Variants in SIPA1L3 observed in about 807,000 individuals in gnomAD.
The protein encoded by SIPA1L3 is signal-induced proliferation-associated 1-like protein 3.
A neutral mutation model predicts 150.1 loss-of-function variants in SIPA1L3; 59 were observed. That is an observed-to-expected ratio of 0.39 (90% confidence interval 0.32 to 0.49). SIPA1L3 has a LOEUF of 0.49. Ranked by LOEUF, SIPA1L3 falls within the 20% of genes least tolerant of loss-of-function variation. The probability of loss-of-function intolerance (pLI) is 0.86; values close to 1 mark genes in which losing one functional copy is unlikely to be tolerated. For missense variants in SIPA1L3, 2,211 were observed against 2,489.5 expected (o/e 0.89, Z 2.38); for synonymous variants, 1,070 against 1,077.6 (o/e 0.99, Z 0.14).
chr19:38,129,982 G>A (rs1262544888), intron 9 of SIPA1L3, among the ~76,000 whole-genome samples: 11 of 152,072 alleles, frequency 7.2e-5, no homozygotes, highest in African/African-American at 2.7e-4. Flanking sequence ...CAGGAGAATC[G>A]CTTGAACCCA....
intron 1 of SIPA1L3, among the ~76,000 whole-genome samples, chr19:37,985,952 C>T (rs922607921): frequency 1.3e-5 from 2 of 152,242 alleles, no homozygotes; most frequent in African/African-American, 2.4e-5. Context: ...GACCCAGCTG[C>T]GCCGTCATGC....
intron 2 of SIPA1L3, among the ~76,000 whole-genome samples, chr19:38,049,090 A>G (rs1313643727): frequency 2.1e-5 from 3 of 144,398 alleles, no homozygotes; most frequent in African/African-American, 7.9e-5. Context: ...TCAAAAAAAA[A>G]GCGGGGGGTG....
At position 38,142,624 on chromosome 19, in the gene SIPA1L3, C is replaced by A; in HGVS notation, c.3447C>A (p.Asp1149Glu). The change falls in exon 12 of 22, where the codon GAC (aspartate) becomes GAA (glutamate). Residue 1149 changes from aspartate to glutamate, a missense_variant. By Grantham distance (45) the Asp-to-Glu change is conservative. Around this residue, in one of 5 missense-constraint regions of SIPA1L3, gnomAD observed 806 missense variants for 870.1 expected, o/e 0.93. Transcript: ENST00000222345. ...ACACAGTATCACCAGCAGGGGCCGACAGAGTCCCTCCCTACCGACAGCCTT... is the reference window on the plus strand; with the variant it reads ...ACACAGTATCACCAGCAGGGGCCGAAAGAGTCCCTCCCTACCGACAGCCTT... Reference protein sequence around the residue: ...TPYTVSPAGADRVPPYRQPSG... With the variant: ...TPYTVSPAGAERVPPYRQPSG... 6.2e-7 allele frequency: 1 copy of A among 1,614,064 alleles called. No homozygotes were observed. The highest frequency in any genetic ancestry group is 1.3e-5 in the African/African-American group (1 of 75,040).
chr19:38,200,281 G>A (rs1973056182), intron 19 of SIPA1L3: 1 of 152,208 alleles, frequency 6.6e-6, no homozygotes, highest in Non-Finnish European at 1.5e-5. Context: ...TCGGGAGGCT[G>A]AAGCAGGAGG....
intron 2 of SIPA1L3, among the ~76,000 whole-genome samples, chr19:38,031,596 G>A (rs1968655678): frequency 1.3e-5 from 2 of 152,184 alleles, no homozygotes; most frequent in South Asian, 4.1e-4. Flanking sequence ...CATTGTGGGG[G>A]TCTGTGACAT....
intron 11 of SIPA1L3, 49 bp from the exon 12 acceptor site, chr19:38,142,524 G>T (rs749887235): frequency 1.9e-6 from 3 of 1,557,886 alleles, no homozygotes; most frequent in South Asian, 1.2e-5. Flanking sequence ...CAGGGCAGGG[G>T]TACCCTCCTA....
intron 1 of SIPA1L3, among the ~76,000 whole-genome samples, chr19:37,912,228 ACT>A (rs1489533681): frequency 1.5e-5 from 2 of 136,874 alleles, no homozygotes; most frequent in East Asian, 2.5e-4. Flanking sequence ...CAAGAGTGAC[ACT>A]CTGTCTCAAA....
At chr19:38,075,519 G>A (rs563435704) in intron 2 of SIPA1L3, among the ~76,000 whole-genome samples, 1 of 152,032 alleles carries the variant, frequency 6.6e-6, no homozygotes, top group Non-Finnish European at 1.5e-5. Flanking sequence ...GGTGGTTCAC[G>A]CCTGTAATCC....
intron 20 of SIPA1L3, chr19:38,203,837 G>C (rs1420997146): frequency 2.5e-6 from 1 of 394,342 alleles, no homozygotes; most frequent in Non-Finnish European, 4.6e-6. Context: ...CCTCCCTGAA[G>C]TCACATGCAC....
chr19:38,159,877 T>C (rs1458103334), intron 13 of SIPA1L3, among the ~76,000 whole-genome samples: 1 of 152,236 alleles, frequency 6.6e-6, no homozygotes, highest in African/African-American at 2.4e-5. Flanking sequence ...AATACCATAG[T>C]GATCAAAAGT....
intron 2 of SIPA1L3, among the ~76,000 whole-genome samples, chr19:38,070,237 T>A (rs1018570818): frequency 6.6e-6 from 1 of 151,868 alleles, no homozygotes; most frequent in Admixed American, 6.6e-5. Flanking sequence ...TGAGACAGGG[T>A]CTTGCTCTGT....
intron 1 of SIPA1L3, among the ~76,000 whole-genome samples, chr19:37,938,942 A>G (rs1453232220): frequency 2.6e-5 from 4 of 151,858 alleles, no homozygotes; most frequent in Non-Finnish European, 4.4e-5. Flanking sequence ...TCTTTTTCCT[A>G]TTGAATTGTA....
chr19:37,962,344 A>C (rs967191585), intron 1 of SIPA1L3, among the ~76,000 whole-genome samples: 1 of 151,420 alleles, frequency 6.6e-6, no homozygotes, highest in Non-Finnish European at 1.5e-5. Context: ...GGGTTTCCCC[A>C]TGTTGGCCAG....
intron 15 of SIPA1L3, among the ~76,000 whole-genome samples, chr19:38,169,921 A>G (rs1473035477): frequency 1.3e-5 from 2 of 151,330 alleles, no homozygotes; most frequent in African/African-American, 4.9e-5. Flanking sequence ...GGGTCAGGGT[A>G]AGATGAGGGG....
intron 1 of SIPA1L3, among the ~76,000 whole-genome samples, chr19:37,938,035 A>G (rs1373614533): frequency 6.6e-6 from 1 of 152,126 alleles, no homozygotes; most frequent in Non-Finnish European, 1.5e-5. Context: ...CGACAGAGCA[A>G]GACTCCACCT....
intron 19 of SIPA1L3, among the ~76,000 whole-genome samples, chr19:38,201,503 C>T (rs1973086539): frequency 1.3e-5 from 2 of 152,152 alleles, no homozygotes; most frequent in South Asian, 2.1e-4. Context: ...CCCTTTTTTC[C>T]TACCTTTTAC....
At chr19:37,944,203 A>T (rs1268691812) in intron 1 of SIPA1L3, among the ~76,000 whole-genome samples, 1 of 151,758 alleles carries the variant, frequency 6.6e-6, no homozygotes, top group Non-Finnish European at 1.5e-5. Context: ...GCTTGAACCC[A>T]GGAGGTGGAG....
At chr19:38,196,183 C>T (rs1374440473) in intron 18 of SIPA1L3, among the ~76,000 whole-genome samples, 1 of 152,202 alleles carries the variant, frequency 6.6e-6, no homozygotes, top group African/African-American at 2.4e-5. Flanking sequence ...AACCAAGTGC[C>T]CTCCACACCA....
chr19:38,057,337 C>T (rs1045746073), intron 2 of SIPA1L3, among the ~76,000 whole-genome samples: 1 of 150,554 alleles, frequency 6.6e-6, no homozygotes, highest in African/African-American at 2.4e-5. Flanking sequence ...CACACACACA[C>T]ACGTATATAT....
Sources: allele counts gnomAD v4.1 joint callset (sites outside exome capture counted in the v4.1 genomes callset), GRCh38; gene constraint gnomAD v4.1.1; regional missense constraint gnomAD v4.1.1; transcripts MANE v1.5; gene names NCBI Gene and HGNC (gene_info 2026-07-23, HGNC 2026-07-21).